DNER: variants seen among roughly 807,000 people sequenced by gnomAD.
The protein encoded by DNER is delta and Notch-like epidermal growth factor-related receptor.
Under a neutral mutation model 78.2 loss-of-function variants are expected in DNER, and 33 were observed. The observed-to-expected ratio is 0.42, with a 90% CI of 0.32 to 0.56. The LOEUF (loss-of-function observed/expected upper bound fraction) is 0.56. DNER is among the 20% of genes least tolerant of loss of function. The pLI, the probability that DNER is intolerant of heterozygous loss-of-function variation, is 0.11. For synonymous variants in DNER, 417 were observed against 384.8 expected (o/e 1.08, Z -0.98); for missense variants, 918 against 975.3 (o/e 0.94, Z 0.78).
At chr2:229,361,073 C>G (rs1026370844) in intron 12 of DNER, among the ~76,000 whole-genome samples, 1 of 152,128 alleles carries the variant, frequency 6.6e-6, no homozygotes, top group Admixed American at 6.5e-5. Flanking sequence ...GCTAAAATGA[C>G]GTCGTTTATA....
chr2:229,684,167 A>AGTGTGT (rs1362937188), intron 1 of DNER, among the ~76,000 whole-genome samples: 135 of 103,206 alleles, frequency 1.3e-3, no homozygotes, highest in Non-Finnish European at 1.7e-3. Flanking sequence ...AGAGAGAGAG[A>AGTGTGT]GAGTGTGTGT....
chr2:229,434,923 T>TACACAC (rs750920414), intron 8 of DNER, among the ~76,000 whole-genome samples: 4 of 108,982 alleles, frequency 3.7e-5, no homozygotes, highest in African/African-American at 1.2e-4. Context: ...TATATATATA[T>TACACAC]ATACACACAC....
chr2:229,594,062 CAG>C (rs1032359643), intron 1 of DNER, among the ~76,000 whole-genome samples: 13 of 152,336 alleles, frequency 8.5e-5, no homozygotes, highest in African/African-American at 3.1e-4. Context: ...CATCAGTCCT[CAG>C]AGAGGCAGAG....
intron 4 of DNER, among the ~76,000 whole-genome samples, chr2:229,554,723 G>A (rs1454473659): frequency 6.6e-6 from 1 of 151,472 alleles, no homozygotes; most frequent in African/African-American, 2.4e-5. Flanking sequence ...AAAATTAGTT[G>A]GGCGTGATGG....
intron 4 of DNER, among the ~76,000 whole-genome samples, chr2:229,560,547 C>T (rs892287162): frequency 6.6e-5 from 10 of 152,158 alleles, no homozygotes; most frequent in African/African-American, 2.2e-4. Context: ...TCTCACCCCT[C>T]AGAGGCAGGG....
At chr2:229,713,839 G>C (rs1430062661) in intron 1 of DNER, among the ~76,000 whole-genome samples, 1 of 152,144 alleles carries the variant, frequency 6.6e-6, no homozygotes. Context: ...GGCTCGGCCC[G>C]GCCTGGAGGG....
At chr2:229,386,725 A>C (rs1692874618) in intron 11 of DNER, among the ~76,000 whole-genome samples, 1 of 152,252 alleles carries the variant, frequency 6.6e-6, no homozygotes, top group Non-Finnish European at 1.5e-5. Context: ...TATGAAAAAA[A>C]AGCTCATCAT....
chr2:229,661,453 G>A (rs1228982126), intron 1 of DNER, among the ~76,000 whole-genome samples: 1 of 152,046 alleles, frequency 6.6e-6, no homozygotes, highest in East Asian at 1.9e-4. Flanking sequence ...AGGAAATAGA[G>A]ATCTGATTTT....
intron 5 of DNER, among the ~76,000 whole-genome samples, chr2:229,522,251 T>C (rs1249688836): frequency 6.6e-6 from 1 of 152,228 alleles, no homozygotes; most frequent in Non-Finnish European, 1.5e-5. Context: ...GAAGTCTTTC[T>C]TCCTAAAACT....
chr2:229,605,349 T>C (rs751566947), intron 1 of DNER, among the ~76,000 whole-genome samples: 4 of 152,134 alleles, frequency 2.6e-5, no homozygotes, highest in African/African-American at 4.8e-5. Context: ...ATATAAGCTA[T>C]ACAGGGAAGC....
rs781115461 is a variant in DNER at position 229,477,179 on chromosome 2, T to C, written c.1222A>G (p.Ile408Val). ...LDPCRNGATCISSLSGFTCQC... is the reference protein window; with the variant it reads ...LDPCRNGATCVSSLSGFTCQC... ...CAGGTGAATCCACTGAGACTGGAAA[T>C]GCATGTTGCTCCATTTCTGCATGGG... Residue 408 changes from isoleucine to valine, a missense_variant, in exon 7 of 13, where the codon ATT (isoleucine) becomes GTT (valine). By Grantham distance (29) the Ile-to-Val change is conservative. Coordinates refer to ENST00000341772, the MANE Select transcript of DNER (RefSeq NM_139072.4). The C allele has an allele frequency of 6.2e-6, 10 of 1,614,052 alleles. No homozygotes were observed. The highest frequency in any genetic ancestry group is 8.5e-6 in the Non-Finnish European group (10 of 1,179,962).
chr2:229,639,663 G>A (rs1359638128), intron 1 of DNER, among the ~76,000 whole-genome samples: 1 of 152,168 alleles, frequency 6.6e-6, no homozygotes, highest in East Asian at 1.9e-4. Context: ...AAGCTTTTGA[G>A]GGTTTATATT....
intron 4 of DNER, among the ~76,000 whole-genome samples, chr2:229,579,945 T>G (rs186021199): frequency 1.2e-4 from 18 of 152,230 alleles, no homozygotes; most frequent in Non-Finnish European, 2.5e-4. Flanking sequence ...ACCAGGACAG[T>G]CTTACTACTT....
At chr2:229,437,239 C>T (rs1169282507) in intron 8 of DNER, among the ~76,000 whole-genome samples, 2 of 152,150 alleles carry the variant, frequency 1.3e-5, no homozygotes, top group African/African-American at 2.4e-5. Flanking sequence ...AATCAATACC[C>T]GCTATGAGTT....
intron 1 of DNER, among the ~76,000 whole-genome samples, chr2:229,687,897 T>C (rs1231714279): frequency 6.6e-6 from 1 of 152,194 alleles, no homozygotes; most frequent in African/African-American, 2.4e-5. Flanking sequence ...ACCTTAACTG[T>C]CACCATTTCA....
At chr2:229,583,521 A>G (rs1476269849) in intron 4 of DNER, among the ~76,000 whole-genome samples, 1 of 152,238 alleles carries the variant, frequency 6.6e-6, no homozygotes, top group East Asian at 1.9e-4. Context: ...TGTAAAGTCA[A>G]AAGTCATTAA....
intron 4 of DNER, among the ~76,000 whole-genome samples, chr2:229,560,475 GAA>G (rs1696934931): frequency 6.6e-6 from 1 of 152,162 alleles, no homozygotes; most frequent in African/African-American, 2.4e-5. Context: ...ATCCCCAGAT[GAA>G]GACCCAGGGA....
At chr2:229,513,889 C>T (rs573731437) in intron 5 of DNER, among the ~76,000 whole-genome samples, 1 of 152,256 alleles carries the variant, frequency 6.6e-6, no homozygotes, top group African/African-American at 2.4e-5. Context: ...CTCACCCTCC[C>T]TCCCTCTCCC....
intron 11 of DNER, 143 bp downstream of exon 11, chr2:229,388,122 G>A: frequency 1.6e-6 from 2 of 1,245,980 alleles, no homozygotes; most frequent in Non-Finnish European, 2.2e-6. Flanking sequence ...TGTAGCTCCG[G>A]TTGTCCCTCT....
Sources: allele counts gnomAD v4.1 joint callset (sites outside exome capture counted in the v4.1 genomes callset), GRCh38; gene constraint gnomAD v4.1.1; transcripts MANE v1.5; gene names NCBI Gene and HGNC (gene_info 2026-07-23, HGNC 2026-07-21).